Variants in PRDM11 observed in about 807,000 individuals in gnomAD.
PRDM11 encodes PR/SET domain 11.
Under a neutral mutation model 97.8 loss-of-function variants are expected in PRDM11, and 20 were observed. The ratio of observed to expected loss-of-function variants is 0.20; its 90% CI spans 0.14 to 0.30. The LOEUF (loss-of-function observed/expected upper bound fraction) is 0.30. Among genes scored for constraint, PRDM11 ranks in the 10% least tolerant of loss-of-function variants. The probability of loss-of-function intolerance (pLI) is 1.00; values close to 1 mark genes in which losing one functional copy is unlikely to be tolerated. For synonymous variants in PRDM11, 599 were observed against 637.7 expected (o/e 0.94, Z 0.91); for missense variants, 1,139 against 1,555.2 (o/e 0.73, Z 4.50).
At chr11:45,096,450 A>G (rs1236956511) in intron 1 of PRDM11, among the ~76,000 whole-genome samples, 1 of 152,206 alleles carries the variant, frequency 6.6e-6, no homozygotes, top group African/African-American at 2.4e-5. Flanking sequence ...TTGTGAGATT[A>G]TAGGTGACAT....
upstream of PRDM11, chr11:45,095,774 G>A (rs775865253): frequency 2.4e-5 from 17 of 719,836 alleles, no homozygotes; most frequent in Non-Finnish European, 4.1e-5. Context: ...CTACAGCTGG[G>A]GCACCCATTT....
intron 1 of PRDM11, among the ~76,000 whole-genome samples, chr11:45,117,684 C>T (rs1852334269): frequency 6.6e-6 from 1 of 151,998 alleles, no homozygotes. Flanking sequence ...GAGTCTAAGG[C>T]TTCAGTGATT....
chr11:45,221,912 T>C (rs4755947), intron 6 of PRDM11, among the ~76,000 whole-genome samples: 28,172 of 152,134 alleles, frequency 0.19, 3,456 homozygotes, highest in African/African-American at 0.35. Context: ...GGGTGTGCCA[T>C]TGCTGCTCTG....
chr11:45,105,983 G>A (rs1297386963), intron 1 of PRDM11, among the ~76,000 whole-genome samples: 2 of 152,208 alleles, frequency 1.3e-5, no homozygotes, highest in African/African-American at 2.4e-5. Context: ...CTGGCACCGA[G>A]AAGGCTTTTA....
In PRDM11 at chr11:45,219,694, G is replaced by A. The variant is rs145462396; in HGVS notation, c.679G>A (p.Glu227Lys). The part of the protein sequence containing the change: ...PGEWLRVWYS[E>K]DYMKRLHSMS... ...GGAGTGGCTGCGGGTCTGGTACAGCGAGGACTACATGAAGCGCCTGCACAG... is the reference window on the plus strand; with the variant it reads ...GGAGTGGCTGCGGGTCTGGTACAGCAAGGACTACATGAAGCGCCTGCACAG... The change falls in exon 6 of 8, where the codon GAG becomes AAG. Residue 227 changes from glutamate (E) to lysine (K), a missense_variant. Coordinates refer to ENST00000683152, the MANE Select transcript of PRDM11 (RefSeq NM_001384648.1). This position sits in a 1 kb window ranked among gnomAD's most constrained non-coding sequence, Gnocchi z 4.2. 8.1e-6 allele frequency: 13 copies of A among 1,613,940 alleles called. No homozygotes were observed. The African/African-American group carries it at 9.3e-5, about 12-fold the overall frequency.
intron 1 of PRDM11, among the ~76,000 whole-genome samples, chr11:45,107,280 G>A (rs1852078430): frequency 6.6e-6 from 1 of 152,216 alleles, no homozygotes. Flanking sequence ...CACCATCTGT[G>A]TGACCTGGGC....
chr11:45,161,055 C>T (rs1000589384), intron 1 of PRDM11, among the ~76,000 whole-genome samples: 8 of 152,118 alleles, frequency 5.3e-5, no homozygotes. Flanking sequence ...TGGCTCAGCC[C>T]CTTACCAACT....
rs1426246282 is a variant in PRDM11 at position 45,226,338 on chromosome 11, A to T, written c.1713A>T (p.Gln571His). 2 of 1,533,952 alleles carry T rather than the reference A, an allele frequency of 1.3e-6. No homozygotes were observed. Among genetic ancestry groups the T allele is most frequent in the Non-Finnish European group, 1.7e-6 (2 of 1,146,734 alleles). The part of the protein sequence containing the change: ...SQSNLHKKCL[Q>H]LYKLRMHPEK... ...GCAACCTGCACAAGAAGTGCCTGCA[A>T]CTGTACAAGCTCCGCATGCACCCGG... The change falls in exon 8 of 8, where the codon CAA (glutamine) becomes CAT (histidine). Residue 571 changes from glutamine (Q) to histidine (H), a missense_variant. By Grantham distance (24) the Gln-to-His change is conservative. Transcript: ENST00000683152.
chr11:45,102,899 G>C (rs748828347), intron 1 of PRDM11, among the ~76,000 whole-genome samples: 6 of 152,330 alleles, frequency 3.9e-5, no homozygotes, highest in Non-Finnish European at 8.8e-5. Context: ...GTGTGAACTG[G>C]TCGACCGAGG....
upstream of PRDM11, among the ~76,000 whole-genome samples, chr11:45,143,862 GTTC>G (rs750567817): frequency 1.3e-5 from 2 of 152,152 alleles, no homozygotes; most frequent in Non-Finnish European, 2.9e-5. Flanking sequence ...CTTCCCTTAA[GTTC>G]TCAGGAAATG....
intron 6 of PRDM11, among the ~76,000 whole-genome samples, chr11:45,223,265 T>A (rs190746971): frequency 2.1e-4 from 32 of 152,294 alleles, no homozygotes; most frequent in African/African-American, 6.7e-4. Context: ...TGAGCACCAC[T>A]GCACTTCAGC....
rs1018913285 is a variant in PRDM11, at chr11:45,226,686, G to A, written c.2061G>A (p.Pro687=). 29 of 1,533,832 alleles carry A rather than the reference G, an allele frequency of 1.9e-5. No individual in the cohort carries two copies. The highest frequency in any genetic ancestry group is 5.9e-5 in the Admixed American group (3 of 50,978). ...YVQYTSSDGP[P]ATEFLSLQEL... is the part of the protein sequence containing the mutation. ...AGTACACCAGCAGTGATGGGCCCCC[G>A]GCCACAGAGTTCCTGTCCCTGCAGG... The change falls in exon 8 of 8, where the codon CCG becomes CCA. Residue 687 remains proline (P), a synonymous_variant. Transcript: ENST00000683152.
At chr11:45,123,794 G>C (rs1328623626) in intron 1 of PRDM11, among the ~76,000 whole-genome samples, 1 of 152,030 alleles carries the variant, frequency 6.6e-6, no homozygotes. Context: ...CTCCGGCTTT[G>C]TTCTTTTGGC....
At position 45,103,105 on chromosome 11, in the gene PRDM11, T is replaced by C. The variant is rs570144189; in HGVS notation, c.96+7204T>C. Reference sequence around the variant, plus strand: ...CGTGAGCCCTAGCCTTGCATTTTCATTCTCTTGTCTGGTCATCACTGGACA... The same window carrying C: ...CGTGAGCCCTAGCCTTGCATTTTCACTCTCTTGTCTGGTCATCACTGGACA... On this transcript the variant is annotated intron_variant, in intron 1 of 6. Coordinates refer to the PRDM11 transcript ENST00000530656. Among the ~76,000 whole-genome samples, 4 of 152,340 alleles carry C rather than the reference T, an allele frequency of 2.6e-5. No homozygotes were observed. In the South Asian group the frequency reaches 8.3e-4, roughly 32 times the overall value.
intron 1 of PRDM11, among the ~76,000 whole-genome samples, chr11:45,101,567 A>AGAAGAAGAAGAAGAAGAAGAAGAAG (rs1554963214): frequency 7.2e-5 from 7 of 96,864 alleles, no homozygotes; most frequent in African/African-American, 2.9e-4. Flanking sequence ...AAAAAAAAAA[A>AGAAGAAGAAGAAGAAGAAGAAGAAG]AAGAAGAAGA....
chr11:45,112,868 T>C (rs144312582), intron 1 of PRDM11, among the ~76,000 whole-genome samples: 1 of 152,278 alleles, frequency 6.6e-6, no homozygotes, highest in East Asian at 1.9e-4. Context: ...GCTGGATGCA[T>C]AGTTTATGAA....
chr11:45,196,774 A>G (rs747384874), intron 4 of PRDM11, among the ~76,000 whole-genome samples: 7 of 152,148 alleles, frequency 4.6e-5, no homozygotes, highest in Non-Finnish European at 7.4e-5. Context: ...ACAGGCAGAA[A>G]AGAAGGACTT....
At chr11:45,223,633 C>T (rs1297649830) in intron 6 of PRDM11, among the ~76,000 whole-genome samples, 1 of 152,168 alleles carries the variant, frequency 6.6e-6, no homozygotes, top group East Asian at 1.9e-4. Context: ...CATGCTTTCT[C>T]ACATGTTCCT....
chr11:45,132,716 A>T (rs1852746553), intron 1 of PRDM11, among the ~76,000 whole-genome samples: 1 of 152,034 alleles, frequency 6.6e-6, no homozygotes, highest in Admixed American at 6.5e-5. Context: ...GATGGAAGGG[A>T]CCTCTAAGGA....
Sources: gnomAD v4.1 joint callset for allele counts (sites outside exome capture counted in the v4.1 genomes callset) on GRCh38, gnomAD v4.1.1 for gene constraint, Gnocchi (gnomAD v3.1) non-coding constraint, MANE v1.5 for transcripts, NCBI Gene and HGNC (gene_info 2026-07-23, HGNC 2026-07-21) for gene names.